Variants in ABLIM2 observed in about 807,000 individuals in gnomAD.
ABLIM2 encodes actin binding LIM protein family member 2, also known as actin-binding LIM protein 2.
In ABLIM2, 53 loss-of-function variants were observed where a neutral mutation model predicts 97.7. That is an observed-to-expected ratio of 0.54 (90% CI 0.44 to 0.68). The LOEUF (loss-of-function observed/expected upper bound fraction) is 0.68. Among genes scored for constraint, ABLIM2 ranks in the 30% least tolerant of loss-of-function variants. ABLIM2 has a pLI of 0.00. For synonymous variants in ABLIM2, 361 were observed against 345.8 expected, an observed-to-expected ratio of 1.04 and a Z score of -0.49; for missense variants, 835 against 867.2, an observed-to-expected ratio of 0.96 and a Z score of 0.47.
chr4:7,974,188 T>C (rs968465822), intron 20 of ABLIM2, among the ~76,000 whole-genome samples: 6 of 152,046 alleles, frequency 3.9e-5, no homozygotes, highest in African/African-American at 4.8e-5. Flanking sequence ...TCTATCTATC[T>C]ATCCATCCAT....
Position 8,046,156 on chromosome 4 carries a change from G to A in ABLIM2, c.823-915C>T, listed in dbSNP as rs1792255260. On this transcript the variant is annotated intron_variant, in intron 8 of 20. Coordinates refer to ENST00000447017, the MANE Select transcript of ABLIM2 (RefSeq NM_001130083.2). This position sits in a 1 kb window ranked among gnomAD's most constrained non-coding sequence, Gnocchi z 4.4. ...CTCCTTACATGCTCGCTGCTGTCTG[G>A]GGCCACTCCTCCCTTCCGGACCACA... 6.6e-6 allele frequency among the ~76,000 whole-genome samples: 1 copy of A among 152,074 alleles called. No individual in the cohort carries two copies. Among genetic ancestry groups the A allele is most frequent in the African/African-American group, 2.4e-5 (1 of 41,390 alleles).
At chr4:8,151,251 A>G (rs191978860) in intron 1 of ABLIM2, among the ~76,000 whole-genome samples, 388 of 152,308 alleles carry the variant, frequency 2.5e-3, no homozygotes, top group African/African-American at 8.8e-3. Context: ...GGGAAGTGAC[A>G]TGAAGCCACC....
rs1321047605 is a variant in ABLIM2, at chr4:8,069,277, G to A, written c.676-8223C>T. Among the ~76,000 whole-genome samples the A allele has an allele frequency of 1.3e-5, 2 of 152,254 alleles. No homozygotes were observed. Among genetic ancestry groups the A allele is most frequent in the East Asian group, 1.9e-4 (1 of 5,194 alleles). On this transcript the variant is annotated intron_variant, in intron 6 of 20. Coordinates refer to ENST00000447017, the MANE Select transcript of ABLIM2 (RefSeq NM_001130083.2). This position sits in a 1 kb window ranked among gnomAD's most constrained non-coding sequence, Gnocchi z 4.2. Reference sequence around the variant, plus strand: ...GGGGACGTTCTGAACAAGGCAACACGGTGCCCAGGAGGCCAGCCTGAGCGG... The same window carrying A: ...GGGGACGTTCTGAACAAGGCAACACAGTGCCCAGGAGGCCAGCCTGAGCGG...
At position 8,140,800 on chromosome 4, in the gene ABLIM2, C is replaced by T. The variant is rs1407209627; in HGVS notation, c.10+17880G>A. The stretch of plus-strand genomic sequence containing the variant: ...CGATATTCAGAAAAGAGTGCATTTA[C>T]CCCAGCTCCTGAGTCAGGGTGGGGT... On this transcript the variant is annotated intron_variant, in intron 1 of 20. Coordinates refer to ENST00000447017, the MANE Select transcript of ABLIM2 (RefSeq NM_001130083.2). This position sits in a 1 kb window ranked among gnomAD's most constrained non-coding sequence, Gnocchi z 5.9. Among the ~76,000 whole-genome samples the T allele has an allele frequency of 2.0e-5, 3 of 152,120 alleles. No individual in the cohort carries two copies. The South Asian group carries it at 6.2e-4, about 31-fold the overall frequency.
Position 8,080,037 on chromosome 4 carries a change from C to A in ABLIM2, c.581+639G>T, listed in dbSNP as rs183515214. 4.8e-3 allele frequency among the ~76,000 whole-genome samples: 734 copies of A among 152,328 alleles called. 7 individuals are homozygous for A. The highest frequency in any genetic ancestry group is 0.016 in the African/African-American group (686 of 41,576). ...CCCAATCCCCCAGGGTTAAAACCGACCCCCAGCTCCTGGCCCTGAGCTGCC... is the reference window on the plus strand; with the variant it reads ...CCCAATCCCCCAGGGTTAAAACCGAACCCCAGCTCCTGGCCCTGAGCTGCC... On this transcript the variant is annotated intron_variant, in intron 5 of 20. Coordinates refer to ENST00000447017, the MANE Select transcript of ABLIM2 (RefSeq NM_001130083.2).
At chr4:8,089,445 C>T (rs1442110221) in intron 3 of ABLIM2, among the ~76,000 whole-genome samples, 2 of 152,102 alleles carry the variant, frequency 1.3e-5, no homozygotes, top group East Asian at 1.9e-4. Flanking sequence ...CCCTTAAATC[C>T]CCTGTGTGGC....
chr4:8,040,704 G>A (rs561699911), intron 9 of ABLIM2, among the ~76,000 whole-genome samples: 14 of 152,274 alleles, frequency 9.2e-5, no homozygotes, highest in Admixed American at 3.3e-4. Context: ...GTGAAGAGCC[G>A]GACCGTGTGC....
intron 14 of ABLIM2, among the ~76,000 whole-genome samples, chr4:8,014,367 A>T (rs1344324919): frequency 6.6e-6 from 1 of 152,248 alleles, no homozygotes; most frequent in African/African-American, 2.4e-5. Context: ...GCCTCTAAGG[A>T]GTTGACCCAT....
rs987773743 is a variant in ABLIM2, at chr4:8,045,169, T to C, written c.895A>G (p.Ile299Val). ...SSTSGSPSRV[I>V]YAKLGGEILD... The stretch of plus-strand genomic sequence containing the variant: ...ATAAAAAGGCCCTGACTTACATAAA[T>C]CACACGGCTCGGAGACCCTGAGGTG... Residue 299 changes from isoleucine to valine, a missense_variant, in exon 9 of 21, where the codon ATT (isoleucine) becomes GTT (valine). Physicochemically the swap from Ile to Val is conservative, Grantham distance 29. Coordinates refer to ENST00000447017, the MANE Select transcript of ABLIM2 (RefSeq NM_001130083.2). 1.9e-6 allele frequency: 3 copies of C among 1,613,578 alleles called. No homozygotes were observed. The highest frequency in any genetic ancestry group is 2.5e-6 in the Non-Finnish European group (3 of 1,179,642).
At chr4:8,090,721 A>AT (rs1826781049) in intron 3 of ABLIM2, among the ~76,000 whole-genome samples, 1 of 150,168 alleles carries the variant, frequency 6.7e-6, no homozygotes, top group Non-Finnish European at 1.5e-5. Flanking sequence ...TTTTATTTTT[A>AT]TTTTTTTGCG....
chr4:7,974,504 A>C (rs1731275871), intron 20 of ABLIM2, among the ~76,000 whole-genome samples: 3 of 116,396 alleles, frequency 2.6e-5, no homozygotes, highest in East Asian at 2.5e-4. Context: ...TCCACCCATT[A>C]ATCCATTCAT....
intron 12 of ABLIM2, among the ~76,000 whole-genome samples, chr4:8,027,251 G>A (rs894961678): frequency 5.3e-5 from 8 of 152,190 alleles, no homozygotes; most frequent in East Asian, 1.9e-4. Flanking sequence ...GTGGGTGCCC[G>A]TGCAGGGATG....
chr4:8,105,294 T>G (rs925366158), intron 2 of ABLIM2, among the ~76,000 whole-genome samples: 3 of 152,146 alleles, frequency 2.0e-5, no homozygotes, highest in Non-Finnish European at 4.4e-5. Flanking sequence ...ATATACTTGG[T>G]TTTTACTATA....
intron 1 of ABLIM2, among the ~76,000 whole-genome samples, chr4:8,144,740 C>T (rs1053861515): frequency 3.3e-5 from 5 of 152,234 alleles, no homozygotes; most frequent in African/African-American, 7.2e-5. Context: ...ACAGAGGTGA[C>T]GCGGCCCACA....
intron 1 of ABLIM2, among the ~76,000 whole-genome samples, chr4:8,156,140 G>C (rs1715242868): frequency 6.6e-6 from 1 of 152,154 alleles, no homozygotes; most frequent in African/African-American, 2.4e-5. Context: ...CACAGGCCTT[G>C]CTCAAGGATC....
rs1029662419 is a variant in ABLIM2 at position 8,085,356 on chromosome 4, G to A, written c.454+2813C>T. Among the ~76,000 whole-genome samples, 3 of 152,144 alleles carry A rather than the reference G, an allele frequency of 2.0e-5. No individual in the cohort carries two copies. The highest frequency in any genetic ancestry group is 2.1e-4 in the South Asian group (1 of 4,818). On this transcript the variant is annotated intron_variant, in intron 4 of 20. Coordinates refer to ENST00000447017, the MANE Select transcript of ABLIM2 (RefSeq NM_001130083.2). The surrounding 1 kb of genome is among the most constrained non-coding windows in gnomAD (Gnocchi z 6.1). ...TCCACAACCATCTATTGCTCCTCACGGCCTCCAGATGTACCGAGAACACCA... is the reference window on the plus strand; with the variant it reads ...TCCACAACCATCTATTGCTCCTCACAGCCTCCAGATGTACCGAGAACACCA...
In ABLIM2 at chr4:8,015,701, G is replaced by A. The variant is rs1211048343; in HGVS notation, c.1423+3917C>T. Among the ~76,000 whole-genome samples, 4 of 152,140 alleles carry A rather than the reference G, an allele frequency of 2.6e-5. No homozygotes were observed. The highest frequency in any genetic ancestry group is 9.7e-5 in the African/African-American group (4 of 41,418). On this transcript the variant is annotated intron_variant, in intron 14 of 20. Coordinates refer to ENST00000447017, the MANE Select transcript of ABLIM2 (RefSeq NM_001130083.2). The surrounding 1 kb of genome is among the most constrained non-coding windows in gnomAD (Gnocchi z 4.6). ...GCCGGACAAGTGGTGGGAGGTGTGT[G>A]TTGGGGGGTGAGGAGAGAGCTGCAT...
rs1055998636 is a variant in ABLIM2 at position 8,150,977 on chromosome 4, C to T, written c.10+7703G>A. On this transcript the variant is annotated intron_variant, in intron 1 of 20. Transcript: ENST00000447017. This position sits in a 1 kb window ranked among gnomAD's most constrained non-coding sequence, Gnocchi z 6.3. ...CAGCTGTGACAAAGGCCATTCTGCC[C>T]GTTCCCTGGTGCCTGCCGTGCCCAG... is the stretch of plus-strand genomic sequence containing the variant. Among the ~76,000 whole-genome samples the T allele has an allele frequency of 3.3e-5, 5 of 152,154 alleles. No individual in the cohort carries two copies. The highest frequency in any genetic ancestry group is 4.8e-5 in the African/African-American group (2 of 41,424).
rs1290560405 is a variant in ABLIM2 at position 8,113,822 on chromosome 4, C to T, written c.11-7185G>A. On this transcript the variant is annotated intron_variant, in intron 1 of 20. Transcript: ENST00000447017. The surrounding 1 kb of genome is among the most constrained non-coding windows in gnomAD (Gnocchi z 4.5). ...TGAACTCCAGAGGTCCCGGCTCACC[C>T]AGAGCGGGTCACAGGACACACAGTT... Among the ~76,000 whole-genome samples, 1 of 152,250 alleles carries T rather than the reference C, an allele frequency of 6.6e-6. No individual in the cohort carries two copies.
Sources: gnomAD v4.1 joint callset for allele counts (sites outside exome capture counted in the v4.1 genomes callset) on GRCh38, gnomAD v4.1.1 for gene constraint, Gnocchi (gnomAD v3.1) non-coding constraint, MANE v1.5 for transcripts, NCBI Gene and HGNC (gene_info 2026-07-23, HGNC 2026-07-21) for gene names.